Variants in KLHL13 observed in about 807,000 individuals in gnomAD.
KLHL13 encodes kelch-like protein 13.
KLHL13 carries 10 observed loss-of-function variants against 37.1 expected under a neutral mutation model. That is an observed-to-expected ratio of 0.27 (90% CI 0.17 to 0.46). The LOEUF (loss-of-function observed/expected upper bound fraction) is 0.46, where lower values mean the gene tolerates loss of function less well. KLHL13 is among the 20% of genes least tolerant of loss of function. The pLI, the probability that KLHL13 is intolerant of heterozygous loss-of-function variation, is 1.00. For missense variants in KLHL13, 360 were observed against 509.3 expected, an observed-to-expected ratio of 0.71 and a Z score of 2.82; for synonymous variants, 163 against 181.2, an observed-to-expected ratio of 0.90 and a Z score of 0.81.
intron 1 of KLHL13, among the ~76,000 whole-genome samples, chrX:118,002,757 T>C (rs1180181640): frequency 9.0e-6 from 1 of 111,124 alleles, no homozygotes; most frequent in Non-Finnish European, 1.9e-5. Flanking sequence ...ACAGGGGCCT[T>C]AATTACAGAA....
At chrX:117,941,071 G>A (rs1933001023) in intron 2 of KLHL13, among the ~76,000 whole-genome samples, 1 of 111,584 alleles carries the variant, frequency 9.0e-6, no homozygotes, top group Non-Finnish European at 1.9e-5. Context: ...TATAATATTG[G>A]CTGTGGGTTT....
chrX:117,922,176 C>T (rs1002514302), intron 2 of KLHL13, among the ~76,000 whole-genome samples: 3 of 111,654 alleles, frequency 2.7e-5, no homozygotes, highest in African/African-American at 9.8e-5. Context: ...AGAAGAGTCA[C>T]TTCAGCTCTT....
exon 7 of KLHL13, chrX:117,898,163 T>C (rs1254656747): frequency 8.9e-6 from 1 of 111,811 alleles, no homozygotes; most frequent in Non-Finnish European, 1.9e-5. Flanking sequence ...ATTTCACATT[T>C]CTTTGATGTG....
chrX:118,089,430 A>G (rs2055092031), intron 1 of KLHL13, among the ~76,000 whole-genome samples: 1 of 109,121 alleles, frequency 9.2e-6, no homozygotes, highest in Admixed American at 1.0e-4. Flanking sequence ...TTAGGTATCA[A>G]GAGAGGTCAA....
At chrX:117,904,280 T>C (rs1243794136) in intron 5 of KLHL13, among the ~76,000 whole-genome samples, 4 of 111,690 alleles carry the variant, frequency 3.6e-5, no homozygotes, top group African/African-American at 6.5e-5. Context: ...GTAAAATCAA[T>C]AGTATTTTAT....
chrX:118,021,388 C>T (rs962207682), intron 1 of KLHL13, among the ~76,000 whole-genome samples: 8 of 107,068 alleles, frequency 7.5e-5, no homozygotes, highest in African/African-American at 2.0e-4. Context: ...ATCCCTCCCC[C>T]CTACCCTTAC....
chrX:117,982,528 G>T (rs2053674077), intron 1 of KLHL13, among the ~76,000 whole-genome samples: 1 of 111,666 alleles, frequency 9.0e-6, no homozygotes, highest in African/African-American at 3.3e-5. Context: ...GAACACAGAA[G>T]TTGCTGAGAG....
chrX:118,064,068 C>A (rs968064980), intron 1 of KLHL13, among the ~76,000 whole-genome samples: 1 of 111,504 alleles, frequency 9.0e-6, no homozygotes, highest in African/African-American at 3.2e-5. Context: ...GGTAAACCAT[C>A]ATTAACTCAC....
chrX:118,022,633 T>A (rs192073846), intron 1 of KLHL13, among the ~76,000 whole-genome samples: 1 of 112,278 alleles, frequency 8.9e-6, no homozygotes, highest in Non-Finnish European at 1.9e-5. Flanking sequence ...TTTTATGTAT[T>A]ATTTTTTAAA....
upstream of KLHL13, among the ~76,000 whole-genome samples, chrX:117,977,022 C>T (rs747784027): frequency 8.9e-6 from 1 of 112,001 alleles, no homozygotes; most frequent in South Asian, 3.7e-4. Flanking sequence ...AAACTAGAAA[C>T]CAAATTTCAA....
intron 1 of KLHL13, among the ~76,000 whole-genome samples, chrX:117,962,313 G>GT (rs373524431): frequency 0.085 from 8,781 of 103,899 alleles, 340 homozygotes; most frequent in Middle Eastern, 0.15. Flanking sequence ...AGAGGTTTGG[G>GT]TTTTTTTTTT....
chrX:118,106,438 T>C (rs1332144157), intron 1 of KLHL13, among the ~76,000 whole-genome samples: 1 of 111,773 alleles, frequency 8.9e-6, no homozygotes, highest in African/African-American at 3.2e-5. Context: ...AGTCTAATTT[T>C]TCTAAAAAAT....
chrX:118,104,048 T>TAACAAAAAAAAAAAAAAAA (rs2055318803), intron 1 of KLHL13, among the ~76,000 whole-genome samples: 1 of 42,562 alleles, frequency 2.3e-5, no homozygotes, highest in African/African-American at 8.9e-5. Flanking sequence ...TCATTTCCAC[T>TAACAAAAAAAAAAAAAAAA]AAAAAAAAAA....
intron 1 of KLHL13, among the ~76,000 whole-genome samples, chrX:118,056,838 C>A (rs950175763): frequency 8.9e-6 from 1 of 111,889 alleles, no homozygotes; most frequent in Admixed American, 9.5e-5. Context: ...TACCCACTTC[C>A]TCAAGTTTGT....
At chrX:118,049,596 C>A (rs750666950) in intron 1 of KLHL13, among the ~76,000 whole-genome samples, 3 of 110,212 alleles carry the variant, frequency 2.7e-5, no homozygotes, top group Non-Finnish European at 3.8e-5. Context: ...TTCTTCACTA[C>A]AGTAAATCTA....
chrX:118,056,362 T>C (rs1467431491), intron 1 of KLHL13, among the ~76,000 whole-genome samples: 1 of 111,407 alleles, frequency 9.0e-6, no homozygotes, highest in Non-Finnish European at 1.9e-5. Context: ...AGCCTTAATA[T>C]TGTTAAGATG....
At chrX:117,983,207 C>T (rs2053683301) in intron 1 of KLHL13, among the ~76,000 whole-genome samples, 1 of 111,546 alleles carries the variant, frequency 9.0e-6, no homozygotes, top group Admixed American at 9.6e-5. Flanking sequence ...AGGGAAAATG[C>T]TGCTTTCCTT....
rs12838983 is a variant in KLHL13, at chrX:118,051,616, A to G, written c.-56+64892T>C. Among the ~76,000 whole-genome samples, 759 of 111,161 alleles carry G rather than the reference A, an allele frequency of 6.8e-3. 11 individuals are homozygous for G. Among genetic ancestry groups the G allele is most frequent in the African/African-American group, 0.023 (717 of 30,619 alleles). ...GCACATAAAAGAATAAATGACCCTGAATAAATGGAAACACACACACTCACG... is the reference window on the plus strand; with the variant it reads ...GCACATAAAAGAATAAATGACCCTGGATAAATGGAAACACACACACTCACG... On this transcript the variant is annotated intron_variant, in intron 1 of 6. Coordinates refer to the KLHL13 transcript ENST00000371882.
intron 1 of KLHL13, among the ~76,000 whole-genome samples, chrX:118,088,197 C>T (rs1383087559): frequency 8.9e-6 from 1 of 111,845 alleles, no homozygotes; most frequent in African/African-American, 3.2e-5. Context: ...AAGCAGATAG[C>T]CTTTTCCTCA....
Sources: gnomAD v4.1 joint callset for allele counts (sites outside exome capture counted in the v4.1 genomes callset) on GRCh38, gnomAD v4.1.1 for gene constraint, MANE v1.5 for transcripts, NCBI Gene and HGNC (gene_info 2026-07-23, HGNC 2026-07-21) for gene names.